USP40: variants seen among roughly 807,000 people sequenced by gnomAD.
USP40 encodes the protein ubiquitin specific peptidase 40.
USP40 carries 143 observed loss-of-function variants against 166.2 expected under a neutral mutation model. That is an observed-to-expected ratio of 0.86 (90% confidence interval 0.75 to 0.99). The LOEUF (loss-of-function observed/expected upper bound fraction) is 0.99. Ranked by LOEUF, USP40 falls within the 50% of genes least tolerant of loss-of-function variation. The pLI is 0.00. For missense variants in USP40, 1,444 were observed against 1,479.7 expected (o/e 0.98, Z 0.40); for synonymous variants, 498 against 524.0 (o/e 0.95, Z 0.68).
In USP40 at chr2:233,489,527, C is replaced by A. The variant is rs773646376; in HGVS notation, c.3013-44G>T. On this transcript the variant is annotated intron_variant, in intron 26 of 31. Coordinates refer to ENST00000678225, the MANE Select transcript of USP40 (RefSeq NM_001365479.2). The stretch of plus-strand genomic sequence containing the variant: ...ATTTCTCCAACGGTTTTAAAAAGCA[C>A]TCTTCAAAACATACTGTTTTAGAAA... 3 of 1,472,994 alleles carry A rather than the reference C, an allele frequency of 2.0e-6. No individual in the cohort carries two copies. The Admixed American group carries it at 6.8e-5, about 33-fold the overall frequency. The allele number at this position is 1,472,994 out of a possible 1,614,324, so 91.2% of individuals were successfully genotyped here. A position where few individuals can be genotyped will look rare whatever the true frequency, so the allele number is the denominator to read the frequency against.
Position 233,561,169 on chromosome 2 carries a change from G to A in USP40, c.268-1245C>T, listed in dbSNP as rs574512881. ...ATCATAGATGTAATACCTTTGCATC[G>A]GGTTTATCCTTATCTTCAAACAAAC... On this transcript the variant is annotated intron_variant, in intron 3 of 31. Transcript: ENST00000678225. 1.6e-5 allele frequency: 25 copies of A among 1,577,674 alleles called. No individual in the cohort carries two copies. In the South Asian group the frequency reaches 1.7e-4, roughly 11 times the overall value.
chr2:233,511,844 C>G (rs745364341), intron 19 of USP40, 47 bp from the exon 20 acceptor site: 5 of 1,407,490 alleles, frequency 3.6e-6, no homozygotes, highest in Non-Finnish European at 4.8e-6. Context: ...ATTCCTAGCT[C>G]TCTAAGAAAA....
intron 6 of USP40, among the ~76,000 whole-genome samples, chr2:233,554,143 C>A (rs757222528): frequency 6.6e-6 from 1 of 152,202 alleles, no homozygotes; most frequent in Non-Finnish European, 1.5e-5. Context: ...GGGATACTTA[C>A]GAAACACTGA....
intron 30 of USP40, among the ~76,000 whole-genome samples, chr2:233,485,002 T>C (rs2064854247): frequency 6.6e-6 from 1 of 152,222 alleles, no homozygotes; most frequent in Non-Finnish European, 1.5e-5. Context: ...GTGTTGCTGC[T>C]AGAGGTTTTG....
chr2:233,494,824 T>TA (rs367849310), intron 24 of USP40, among the ~76,000 whole-genome samples: 2,114 of 79,136 alleles, frequency 0.027, 77 homozygotes, highest in Non-Finnish European at 0.039. Context: ...AGATCCTTTC[T>TA]AAAAAAAAAA....
chr2:233,484,018 G>A (rs142218692), intron 30 of USP40, among the ~76,000 whole-genome samples: 10 of 152,028 alleles, frequency 6.6e-5, no homozygotes, highest in Non-Finnish European at 7.4e-5. Flanking sequence ...TTGTCTACCC[G>A]TGCCTCCATG....
chr2:233,494,717 T>C (rs1361158331), intron 24 of USP40, among the ~76,000 whole-genome samples: 1 of 148,966 alleles, frequency 6.7e-6, no homozygotes, highest in Non-Finnish European at 1.5e-5. Context: ...GTTTAAAAAT[T>C]AGCCAGGCAC....
At chr2:233,549,743 G>A (rs1025433631) in intron 7 of USP40, among the ~76,000 whole-genome samples, 10 of 151,942 alleles carry the variant, frequency 6.6e-5, no homozygotes, top group African/African-American at 2.2e-4. Flanking sequence ...CACCCCTCCT[G>A]ACACTACAGT....
intron 30 of USP40, among the ~76,000 whole-genome samples, chr2:233,483,161 T>G (rs1320555921): frequency 6.6e-6 from 1 of 152,174 alleles, no homozygotes; most frequent in African/African-American, 2.4e-5. Flanking sequence ...GTAATGAAAT[T>G]TACTGATTCT....
At chr2:233,532,364 G>A (rs923514639) in intron 11 of USP40, among the ~76,000 whole-genome samples, 1 of 152,248 alleles carries the variant, frequency 6.6e-6, no homozygotes, top group South Asian at 2.1e-4. Flanking sequence ...AGTGACCTTT[G>A]TAACTTCACT....
In USP40 at chr2:233,486,649, G is replaced by T. The variant is rs1444738910; in HGVS notation, c.3198-672C>A. 6.6e-6 allele frequency among the ~76,000 whole-genome samples: 1 copy of T among 152,196 alleles called. No individual in the cohort carries two copies. Among genetic ancestry groups the T allele is most frequent in the African/African-American group, 2.4e-5 (1 of 41,448 alleles). On this transcript the variant is annotated intron_variant, in intron 28 of 31. Coordinates refer to ENST00000678225, the MANE Select transcript of USP40 (RefSeq NM_001365479.2). The surrounding 1 kb of genome is among the most constrained non-coding windows in gnomAD (Gnocchi z 4.0). ...CTGGTTCTTAGGATGCTGAGACAATGAATGATTTTTAGATGTACTTCTATT... is the reference window on the plus strand; with the variant it reads ...CTGGTTCTTAGGATGCTGAGACAATTAATGATTTTTAGATGTACTTCTATT...
chr2:233,561,011 T>C lies in USP40; in HGVS notation c.268-1087A>G, dbSNP rs59954119. The C allele has an allele frequency of 8.0e-3, 7,601 of 947,820 alleles. 362 individuals are homozygous for C. In the African/African-American group the frequency reaches 0.11, roughly 13 times the overall value. 58.7% of individuals were successfully genotyped at this position (947,820 alleles called of 1,614,324 possible). On this transcript the variant is annotated intron_variant, in intron 3 of 31. Coordinates refer to ENST00000678225, the MANE Select transcript of USP40 (RefSeq NM_001365479.2). ...CTCGGAAGGCAAATTCCATTACCCA[T>C]AGGGTATAGGCCAAGTCACTTTCTG...
intron 8 of USP40, chr2:233,546,910 G>C (rs2070000298): frequency 6.6e-6 from 1 of 152,194 alleles, no homozygotes; most frequent in Non-Finnish European, 1.5e-5. Context: ...CATGGTAACA[G>C]TAAGGGCCGA....
At chr2:233,566,214 A>G (rs2072136064) in intron 1 of USP40, among the ~76,000 whole-genome samples, 2 of 152,188 alleles carry the variant, frequency 1.3e-5, no homozygotes, top group South Asian at 2.1e-4. Context: ...TATCAAGCCT[A>G]AAGGCCTTCC....
At position 233,481,209 on chromosome 2, in the gene USP40, C is replaced by T; in HGVS notation, c.3593G>A (p.Arg1198Lys). ...TGCAGACCCCAGCAATTACCTTTTCCTTCTCCCCAGGGCCCGTTGTTTCTG... is the reference window on the plus strand; with the variant it reads ...TGCAGACCCCAGCAATTACCTTTTCTTTCTCCCCAGGGCCCGTTGTTTCTG... ...EKQKQRALGR[R>K]KSQEALHEQS... Residue 1198 changes from arginine to lysine, a missense_variant, in exon 31 of 32, where the codon AGG becomes AAG. Arg to Lys is a conservative substitution (Grantham distance 26, BLOSUM62 2). Coordinates refer to ENST00000678225, the MANE Select transcript of USP40 (RefSeq NM_001365479.2). The T allele has an allele frequency of 6.2e-7, 1 of 1,603,358 alleles. No individual in the cohort carries two copies. Among genetic ancestry groups the T allele is most frequent in the East Asian group, 2.2e-5 (1 of 44,762 alleles).
intron 20 of USP40, among the ~76,000 whole-genome samples, chr2:233,511,014 G>T (rs2066796195): frequency 6.6e-6 from 1 of 152,182 alleles, no homozygotes; most frequent in South Asian, 2.1e-4. Context: ...AGCAAGTTAA[G>T]GGGGAAGTGG....
At position 233,477,037 on chromosome 2, in the gene USP40, C is replaced by T. The variant is rs57468849; in HGVS notation, c.*355G>A. The T allele has an allele frequency of 0.028, 9,926 of 350,778 alleles. 556 individuals are homozygous for T. The highest frequency in any genetic ancestry group is 0.14 in the African/African-American group (6,747 of 46,766). The allele number at this position is 350,778 out of a possible 1,614,324, so 21.7% of individuals were successfully genotyped here. On this transcript the variant is annotated 3_prime_UTR_variant, in exon 32 of 32. Transcript: ENST00000678225. ...GCCTGACCCCACACACCTCCCACAGCGGAGCAACGGCATGCCGCTGCCTCC... is the reference window on the plus strand; with the variant it reads ...GCCTGACCCCACACACCTCCCACAGTGGAGCAACGGCATGCCGCTGCCTCC...
chr2:233,512,669 T>A, intron 18 of USP40, 47 bp from the exon 19 acceptor site: 1 of 807,514 alleles, frequency 1.2e-6, no homozygotes, highest in Non-Finnish European at 1.7e-6. Context: ...TAGGAATTAA[T>A]AACCTTCATC....
intron 10 of USP40, among the ~76,000 whole-genome samples, chr2:233,538,708 G>C (rs957225639): frequency 2.6e-5 from 4 of 152,104 alleles, no homozygotes; most frequent in African/African-American, 9.7e-5. Context: ...TCAAGGCAAG[G>C]GATATTAGCA....
Sources: allele counts gnomAD v4.1 joint callset (sites outside exome capture counted in the v4.1 genomes callset), GRCh38; gene constraint gnomAD v4.1.1; non-coding constraint Gnocchi (gnomAD v3.1); transcripts MANE v1.5; gene names NCBI Gene and HGNC (gene_info 2026-07-23, HGNC 2026-07-21).